The following EPHA5 variants were observed in gnomAD, a reference collection of about 807,000 sequenced individuals.
EPHA5 encodes EPH receptor A5, also known as ephrin type-A receptor 5.
A neutral mutation model predicts 105.0 loss-of-function variants in EPHA5; 60 were observed. That is an observed-to-expected ratio of 0.57 (90% CI 0.46 to 0.71). The LOEUF is 0.71. Ranked by LOEUF, EPHA5 falls within the 30% of genes least tolerant of loss-of-function variation. The pLI is 0.00. For missense variants in EPHA5, 1,218 were observed against 1,274.7 expected, an observed-to-expected ratio of 0.96 and a Z score of 0.68; for synonymous variants, 513 against 449.1, an observed-to-expected ratio of 1.14 and a Z score of -1.80.
intron 5 of EPHA5, among the ~76,000 whole-genome samples, chr4:65,441,512 T>C (rs963345853): frequency 6.6e-6 from 1 of 151,728 alleles, no homozygotes; most frequent in Non-Finnish European, 1.5e-5. Flanking sequence ...TTACTTATGA[T>C]AGGAAAATTT....
intron 1 of EPHA5, among the ~76,000 whole-genome samples, chr4:65,666,671 G>A (rs775241932): frequency 2.6e-5 from 4 of 152,008 alleles, no homozygotes; most frequent in Non-Finnish European, 5.9e-5. Flanking sequence ...TTCACATGTA[G>A]TTTATGACTA....
chr4:65,446,329 T>C (rs564770185), intron 5 of EPHA5, among the ~76,000 whole-genome samples: 2 of 152,354 alleles, frequency 1.3e-5, no homozygotes, highest in Non-Finnish European at 2.9e-5. Flanking sequence ...AAAACTTATT[T>C]GTTCATTTAA....
rs1320788940 is a variant in EPHA5 at position 65,321,610 on chromosome 4, TC to T, written c.*2503del. Reference sequence around the variant, plus strand: ...AGAAAACTATGTGGCTATTTAACTTTCCTTTCAATTTACTTTCCAAAATGAT... The same window carrying T: ...AGAAAACTATGTGGCTATTTAACTTTCTTTCAATTTACTTTCCAAAATGAT... On this transcript the variant is annotated 3_prime_UTR_variant, in exon 17 of 17. Coordinates refer to ENST00000613740, the MANE Select transcript of EPHA5 (RefSeq NM_001281766.3). The T allele has an allele frequency of 4.4e-6, 1 of 229,180 alleles. No individual in the cohort carries two copies. The highest frequency in any genetic ancestry group is 2.2e-5 in the African/African-American group (1 of 45,106). 14.2% of individuals were successfully genotyped at this position (229,180 alleles called of 1,614,324 possible). A position where few individuals can be genotyped will look rare whatever the true frequency, so the allele number is the denominator to read the frequency against.
chr4:65,468,787 A>G lies in EPHA5; in HGVS notation c.1402+21590T>C, dbSNP rs894144462. On this transcript the variant is annotated intron_variant, in intron 5 of 16. Coordinates refer to ENST00000613740, the MANE Select transcript of EPHA5 (RefSeq NM_001281766.3). ...AGTACTAATAGACAAGCTTTCACAAAACGCTTATGAACTAACACAAAATTA... is the reference window on the plus strand; with the variant it reads ...AGTACTAATAGACAAGCTTTCACAAGACGCTTATGAACTAACACAAAATTA... 6.1e-4 allele frequency among the ~76,000 whole-genome samples: 92 copies of G among 150,554 alleles called. 2 individuals are homozygous for G. Among genetic ancestry groups the G allele is most frequent in the Middle Eastern group, 3.5e-3 (1 of 286 alleles).
At chr4:65,545,221 T>G (rs575447593) in intron 3 of EPHA5, among the ~76,000 whole-genome samples, 1 of 152,044 alleles carries the variant, frequency 6.6e-6, no homozygotes, top group East Asian at 1.9e-4. Context: ...TTAATAAGCA[T>G]ATTTTTGCTA....
chr4:65,634,580 T>A (rs1746943706), intron 2 of EPHA5, among the ~76,000 whole-genome samples: 1 of 152,050 alleles, frequency 6.6e-6, no homozygotes, highest in South Asian at 2.1e-4. Context: ...ACAGATGGGG[T>A]ATGCTTTTTA....
chr4:65,457,812 C>A (rs1445677797), intron 5 of EPHA5, among the ~76,000 whole-genome samples: 4 of 151,826 alleles, frequency 2.6e-5, no homozygotes, highest in African/African-American at 9.7e-5. Flanking sequence ...TTTGCAATGC[C>A]AATATAACAT....
chr4:65,505,890 T>G (rs530400533), intron 3 of EPHA5, among the ~76,000 whole-genome samples: 1 of 152,318 alleles, frequency 6.6e-6, no homozygotes, highest in Admixed American at 6.5e-5. Context: ...AGGGTACATG[T>G]GCACAACGTG....
intron 11 of EPHA5, among the ~76,000 whole-genome samples, chr4:65,364,747 G>C (rs1240320545): frequency 6.6e-6 from 1 of 151,270 alleles, no homozygotes; most frequent in Non-Finnish European, 1.5e-5. Context: ...AAAAAAAGTT[G>C]ATATATTTAC....
intron 3 of EPHA5, among the ~76,000 whole-genome samples, chr4:65,509,479 A>G (rs893879928): frequency 1.3e-5 from 2 of 152,188 alleles, no homozygotes; most frequent in African/African-American, 4.8e-5. Flanking sequence ...AGAAAAAGGA[A>G]GCCAGGAAAA....
chr4:65,409,687 C>G (rs909907775), intron 7 of EPHA5, among the ~76,000 whole-genome samples: 1 of 152,108 alleles, frequency 6.6e-6, no homozygotes, highest in Admixed American at 6.6e-5. Context: ...CAATAGGTAT[C>G]TATAAACTTT....
chr4:65,599,967 C>T (rs1470485953), intron 3 of EPHA5, among the ~76,000 whole-genome samples: 1 of 152,024 alleles, frequency 6.6e-6, no homozygotes, highest in Non-Finnish European at 1.5e-5. Context: ...TACTATCTGT[C>T]AATCAAAATA....
intron 2 of EPHA5, among the ~76,000 whole-genome samples, chr4:65,617,464 G>GCCAACAGC (rs1360126329): frequency 1.3e-5 from 2 of 152,124 alleles, no homozygotes; most frequent in Non-Finnish European, 2.9e-5. Context: ...TAATGAAAAT[G>GCCAACAGC]CCAACAGCGA....
intron 13 of EPHA5, among the ~76,000 whole-genome samples, chr4:65,350,559 A>G (rs1486472729): frequency 1.3e-5 from 2 of 152,122 alleles, no homozygotes; most frequent in East Asian, 3.9e-4. Flanking sequence ...AGGATATTCA[A>G]CTTGATGACA....
In EPHA5 at chr4:65,659,254, G is replaced by A. The variant is rs115908499; in HGVS notation, c.181+10308C>T. Reference sequence around the variant, plus strand: ...TAATAGGATTTTGGGTATGCATGCCGAGATATAGAGTGTCTGGTCTGGGCT... The same window carrying A: ...TAATAGGATTTTGGGTATGCATGCCAAGATATAGAGTGTCTGGTCTGGGCT... On this transcript the variant is annotated intron_variant, in intron 1 of 16. Transcript: ENST00000613740. Among the ~76,000 whole-genome samples, 550 of 131,480 alleles carry A rather than the reference G, an allele frequency of 4.2e-3. 3 individuals are homozygous for A. Among genetic ancestry groups the A allele is most frequent in the African/African-American group, 0.014 (498 of 35,488 alleles). The allele number at this position is 131,480 out of a possible 152,430, so 86.3% of individuals were successfully genotyped here.
chr4:65,662,201 T>A (rs1415453338), intron 1 of EPHA5, among the ~76,000 whole-genome samples: 1 of 152,038 alleles, frequency 6.6e-6, no homozygotes, highest in African/African-American at 2.4e-5. Flanking sequence ...AAAAAGACAT[T>A]ACCCATCTCT....
chr4:65,644,574 G>A (rs1747957292), intron 1 of EPHA5, among the ~76,000 whole-genome samples: 1 of 151,924 alleles, frequency 6.6e-6, no homozygotes. Flanking sequence ...AGTACTAAAG[G>A]AATAACAGTT....
At chr4:65,570,386 T>C (rs1739998642) in intron 3 of EPHA5, among the ~76,000 whole-genome samples, 1 of 151,802 alleles carries the variant, frequency 6.6e-6, no homozygotes. Flanking sequence ...TCATAAAGTT[T>C]TAGTTTTTGC....
At chr4:65,576,054 GAAAGAAAAGAAAAGAAAAGAAAA>G (rs1740932304) in intron 3 of EPHA5, among the ~76,000 whole-genome samples, 3 of 81,560 alleles carry the variant, frequency 3.7e-5, no homozygotes, top group South Asian at 4.6e-4. Context: ...AAGAAAGAAA[GAAAGAAAAGAAAAGAAAAGAAAA>G]GAAAAGAAAA....
Sources: allele counts gnomAD v4.1 joint callset (sites outside exome capture counted in the v4.1 genomes callset), GRCh38; gene constraint gnomAD v4.1.1; transcripts MANE v1.5; gene names NCBI Gene and HGNC (gene_info 2026-07-23, HGNC 2026-07-21).